UBTD1: variants seen among roughly 807,000 people sequenced by gnomAD.
UBTD1 encodes ubiquitin domain-containing protein 1.
UBTD1 carries 19 observed loss-of-function variants against 21.7 expected under a neutral mutation model. The observed-to-expected ratio is 0.87, with a 90% CI of 0.61 to 1.28. UBTD1 has a LOEUF of 1.28. Ranked by LOEUF, UBTD1 falls within the 50% of genes most tolerant of loss-of-function variation. UBTD1 has a pLI of 0.00. For synonymous variants in UBTD1, 116 were observed against 135.1 expected (o/e 0.86, Z 0.98); for missense variants, 282 against 315.1 (o/e 0.89, Z 0.80).
chr10:97,534,579 G>GCGCACACACA lies in UBTD1; in HGVS notation c.71-33334_71-33333insGCACACACAC, dbSNP rs930248767. Among the ~76,000 whole-genome samples, 9 of 145,360 alleles carry GCGCACACACA rather than the reference G, an allele frequency of 6.2e-5. No homozygotes were observed. In the South Asian group the frequency reaches 6.6e-4, roughly 11 times the overall value. The stretch of plus-strand genomic sequence containing the variant: ...CACTAAGGAACACACACGCGCGCGC[G>GCGCACACACA]CACACACACACACACACACACACAC... On this transcript the variant is annotated intron_variant, in intron 1 of 2. Transcript: ENST00000370664.
chr10:97,519,842 A>G (rs1037556524), intron 1 of UBTD1, among the ~76,000 whole-genome samples: 1 of 152,118 alleles, frequency 6.6e-6, no homozygotes. Context: ...TCTCCCAACA[A>G]GAGACTGTAT....
In UBTD1 at chr10:97,570,898, C is replaced by G. The variant is rs1398776114; in HGVS notation, c.*375C>G. ...AGGGTCTGAAGCAGCTGCTGTCTCC[C>G]TCCTCTGCCCCCATCCCCTGGCTCT... On this transcript the variant is annotated 3_prime_UTR_variant, in exon 3 of 3. Coordinates refer to ENST00000370664, the MANE Select transcript of UBTD1 (RefSeq NM_024954.5). The surrounding 1 kb of genome is among the most constrained non-coding windows in gnomAD (Gnocchi z 6.6). The G allele has an allele frequency of 2.9e-5, 6 of 207,754 alleles. No homozygotes were observed. The highest frequency in any genetic ancestry group is 2.3e-5 in the African/African-American group (1 of 44,350). 12.9% of individuals were successfully genotyped at this position (207,754 alleles called of 1,614,324 possible).
intron 1 of UBTD1, among the ~76,000 whole-genome samples, chr10:97,509,346 G>A (rs768134731): frequency 2.6e-5 from 4 of 152,222 alleles, no homozygotes; most frequent in Non-Finnish European, 5.9e-5. Flanking sequence ...GTAAAATGGG[G>A]TAAGCATACA....
chr10:97,570,253 C>T lies in UBTD1; in HGVS notation c.414C>T (p.Pro138=), dbSNP rs780820416. 6.2e-7 allele frequency: 1 copy of T among 1,613,108 alleles called. No individual in the cohort carries two copies. The highest frequency in any genetic ancestry group is 1.7e-5 in the Admixed American group (1 of 60,016). ...LEHTEEESLE[P]PEPPPSVRRE... is the part of the protein sequence containing the mutation. ...ACACGGAGGAGGAGAGCCTGGAGCC[C>T]CCCGAGCCTCCACCCAGCGTGCGCC... The change falls in exon 3 of 3, where the codon CCC becomes CCT. Residue 138 remains proline (P), a synonymous_variant. Transcript: ENST00000370664. The surrounding 1 kb of genome is among the most constrained non-coding windows in gnomAD (Gnocchi z 6.6).
intron 1 of UBTD1, among the ~76,000 whole-genome samples, chr10:97,546,487 A>G (rs937106584): frequency 6.6e-6 from 1 of 151,494 alleles, no homozygotes; most frequent in East Asian, 2.0e-4. Context: ...CTACTGGGGA[A>G]GCTGAGGTGG....
chr10:97,557,020 CA>C (rs746043540), intron 1 of UBTD1, among the ~76,000 whole-genome samples: 1 of 152,108 alleles, frequency 6.6e-6, no homozygotes, highest in Non-Finnish European at 1.5e-5. Context: ...TTTTAGAACC[CA>C]AAAATTGTCA....
chr10:97,552,393 CTTTT>C (rs60160152), intron 1 of UBTD1, among the ~76,000 whole-genome samples: 2 of 119,860 alleles, frequency 1.7e-5, no homozygotes, highest in African/African-American at 3.3e-5. Flanking sequence ...ATTATACACC[CTTTT>C]TTTTTTTTTT....
intron 1 of UBTD1, among the ~76,000 whole-genome samples, chr10:97,555,248 G>A (rs559938486): frequency 3.3e-4 from 51 of 152,288 alleles, no homozygotes; most frequent in African/African-American, 1.1e-3. Context: ...AAGAGAAAAG[G>A]AGTCCAGAAA....
chr10:97,566,285 TTA>T lies in UBTD1; in HGVS notation c.71-1628_71-1627del, dbSNP rs1491355810. Among the ~76,000 whole-genome samples the T allele has an allele frequency of 4.1e-3, 603 of 146,940 alleles. 8 individuals are homozygous for T. Among genetic ancestry groups the T allele is most frequent in the African/African-American group, 0.015 (561 of 37,824 alleles). On this transcript the variant is annotated intron_variant, in intron 1 of 2. Coordinates refer to ENST00000370664, the MANE Select transcript of UBTD1 (RefSeq NM_024954.5). The stretch of plus-strand genomic sequence containing the variant: ...CATATTGAGATTTTTTTTTTTTTTT[TTA>T]AAACTATTACCTTATTTATTTTTCT...
At chr10:97,537,929 G>A (rs907449021) in intron 1 of UBTD1, among the ~76,000 whole-genome samples, 6 of 150,290 alleles carry the variant, frequency 4.0e-5, no homozygotes, top group Non-Finnish European at 5.9e-5. Flanking sequence ...AGGTTCAAGC[G>A]ATTCTTGTGC....
intron 1 of UBTD1, among the ~76,000 whole-genome samples, chr10:97,509,352 A>G (rs1212110728): frequency 6.6e-6 from 1 of 152,234 alleles, no homozygotes; most frequent in South Asian, 2.1e-4. Context: ...TGGGGTAAGC[A>G]TACATCATTT....
rs1348327586 is a variant in UBTD1, at chr10:97,570,121, C to T, written c.299-17C>T. On this transcript the variant is annotated splice_polypyrimidine_tract_variant and intron_variant, in intron 2 of 2. Transcript: ENST00000370664. This position sits in a 1 kb window ranked among gnomAD's most constrained non-coding sequence, Gnocchi z 6.6. ...TGGATCCCCAAGCTGACTCTGACAG[C>T]CCTGCCTCTCCTACAGGCACCCTCT... is the stretch of plus-strand genomic sequence containing the variant. 1 of 1,587,212 alleles carries T rather than the reference C, an allele frequency of 6.3e-7. No individual in the cohort carries two copies. The highest frequency in any genetic ancestry group is 1.7e-5 in the Admixed American group (1 of 59,078).
intron 1 of UBTD1, among the ~76,000 whole-genome samples, chr10:97,503,095 T>TAA (rs1280564451): frequency 5.3e-5 from 8 of 152,030 alleles, no homozygotes; most frequent in African/African-American, 1.9e-4. Context: ...TTTTTATTTT[T>TAA]TGTAGAGATG....
chr10:97,514,513 A>G (rs527425260), intron 1 of UBTD1, among the ~76,000 whole-genome samples: 2 of 152,300 alleles, frequency 1.3e-5, no homozygotes, highest in South Asian at 2.1e-4. Context: ...GAGAAACTAT[A>G]TATAGCGGAG....
In UBTD1 at chr10:97,523,214, C is replaced by T. The variant is rs181414784; in HGVS notation, c.70+23941C>T. ...CTTAATTATCTTTTGCGGGAAGTGA[C>T]ATCTTACCCCACCGGGACATTTTAT... On this transcript the variant is annotated intron_variant, in intron 1 of 2. Transcript: ENST00000370664. Among the ~76,000 whole-genome samples the T allele has an allele frequency of 2.6e-3, 403 of 152,306 alleles. 1 individual carries two copies. The highest frequency in any genetic ancestry group is 3.9e-3 in the Admixed American group (59 of 15,300).
chr10:97,499,095 G>C lies in UBTD1; in HGVS notation c.-109G>C. On this transcript the variant is annotated 5_prime_UTR_variant, in exon 1 of 3. Transcript: ENST00000370664. ...AGCGCGCCCCCGGGGGGAGATCGGG[G>C]AGCGCCCGATGCCGGGCGGCCGGAG... 1 of 1,275,210 alleles carries C rather than the reference G, an allele frequency of 7.8e-7. No homozygotes were observed. The highest frequency in any genetic ancestry group is 1.1e-6 in the Non-Finnish European group (1 of 948,294). The allele number at this position is 1,275,210 out of a possible 1,614,324, so 79.0% of individuals were successfully genotyped here.
At chr10:97,545,387 C>CGTGTGTGTGTGT (rs1554866775) in intron 1 of UBTD1, among the ~76,000 whole-genome samples, 1 of 120,716 alleles carries the variant, frequency 8.3e-6, no homozygotes, top group Admixed American at 7.8e-5. Flanking sequence ...GTATGGGGCT[C>CGTGTGTGTGTGT]GTGTGTGTGT....
intron 1 of UBTD1, among the ~76,000 whole-genome samples, chr10:97,550,005 G>A (rs954271028): frequency 6.6e-6 from 1 of 152,196 alleles, no homozygotes; most frequent in African/African-American, 2.4e-5. Context: ...GGACACTTCA[G>A]ACTACCTGTG....
intron 1 of UBTD1, among the ~76,000 whole-genome samples, chr10:97,526,453 T>G (rs1589872200): frequency 6.6e-6 from 1 of 152,174 alleles, no homozygotes; most frequent in South Asian, 2.1e-4. Context: ...TCCATCCCAC[T>G]AAAACTCTGC....
Sources: allele counts gnomAD v4.1 joint callset (sites outside exome capture counted in the v4.1 genomes callset), GRCh38; gene constraint gnomAD v4.1.1; non-coding constraint Gnocchi (gnomAD v3.1); transcripts MANE v1.5; gene names NCBI Gene and HGNC (gene_info 2026-07-23, HGNC 2026-07-21).